RYR3: variants seen among roughly 807,000 people sequenced by gnomAD.
RYR3 encodes the protein ryanodine receptor 3.
RYR3 carries 207 observed loss-of-function variants against 584.3 expected under a neutral mutation model. The ratio of observed to expected loss-of-function variants is 0.35; its 90% CI spans 0.32 to 0.40. RYR3 has a LOEUF of 0.40. RYR3 is among the 10% of genes least tolerant of loss of function. The pLI, the probability that RYR3 is intolerant of heterozygous loss-of-function variation, is 1.00. For missense variants in RYR3, 5,616 were observed against 6,089.2 expected (o/e 0.92, Z 2.59); for synonymous variants, 2,416 against 2,248.5 (o/e 1.07, Z -2.11).
chr15:33,855,409 G>C (rs902800267), intron 98 of RYR3, among the ~76,000 whole-genome samples: 3 of 152,180 alleles, frequency 2.0e-5, no homozygotes, highest in Non-Finnish European at 2.9e-5. Context: ...TCACCATGTT[G>C]GCCAGGCTGG....
In RYR3 at chr15:33,634,727, G is replaced by A; in HGVS notation, c.3169G>A (p.Glu1057Lys). Reference sequence around the variant, plus strand: ...GTATAACATTGAGCCATCAGACCAAGAACTAGGTAATGAGTTGAGAGTGTT... The same window carrying A: ...GTATAACATTGAGCCATCAGACCAAAAACTAGGTAATGAGTTGAGAGTGTT... The part of the protein sequence containing the change: ...YGYNIEPSDQ[E>K]LADSAVEKVS... The change falls in exon 25 of 104, where the codon GAA becomes AAA. Residue 1057 changes from glutamate (E) to lysine (K), a missense_variant. Glu to Lys is a moderately conservative substitution (Grantham distance 56, BLOSUM62 1). Coordinates refer to ENST00000634891, the MANE Select transcript of RYR3 (RefSeq NM_001036.6). 1 of 1,613,908 alleles carries A rather than the reference G, an allele frequency of 6.2e-7. No homozygotes were observed. The highest frequency in any genetic ancestry group is 8.5e-7 in the Non-Finnish European group (1 of 1,179,810).
chr15:33,772,197 A>G (rs374733477), intron 63 of RYR3, 39 bp downstream of exon 63: 12 of 1,350,208 alleles, frequency 8.9e-6, no homozygotes, highest in African/African-American at 5.7e-5. Flanking sequence ...GTATGTGCAC[A>G]TGGCCCCAGA....
rs374218298 is a variant in RYR3, at chr15:33,644,456, T to C, written c.3702T>C (p.Ala1234=). 58 of 1,613,976 alleles carry C rather than the reference T, an allele frequency of 3.6e-5. No homozygotes were observed. In the African/African-American group the frequency reaches 6.0e-4, roughly 17 times the overall value. ...PFAVNMNRDV[A]MWFSKRLPTF... The stretch of plus-strand genomic sequence containing the variant: ...CTGTCAACATGAACAGAGATGTTGC[T>C]ATGTGGTTCAGCAAGCGCCTCCCGA... The change falls in exon 28 of 104, where the codon GCT becomes GCC. Residue 1234 remains alanine, a synonymous_variant. Transcript: ENST00000634891.
intron 4 of RYR3, among the ~76,000 whole-genome samples, chr15:33,532,924 C>T (rs1200662440): frequency 6.6e-6 from 1 of 152,118 alleles, no homozygotes; most frequent in Non-Finnish European, 1.5e-5. Context: ...CAAGACCAGC[C>T]TGGGAAACAT....
At chr15:33,711,489 C>T (rs113828105) in intron 43 of RYR3, among the ~76,000 whole-genome samples, 4,083 of 152,120 alleles carry the variant, frequency 0.027, 176 homozygotes, top group African/African-American at 0.093. Flanking sequence ...GTGATCCACC[C>T]GCCTCGGCCT....
In RYR3 at chr15:33,468,149, C is replaced by T. The variant is rs117059263; in HGVS notation, c.52-5270C>T. 5.9e-4 allele frequency among the ~76,000 whole-genome samples: 90 copies of T among 152,278 alleles called. 1 individual carries two copies. In the East Asian group the frequency reaches 0.016, roughly 26 times the overall value. ...GTGTGGCACTGGGCAAGTGACTTAACCTTTCTGTGCCTCAACCACTTTATC... is the reference window on the plus strand; with the variant it reads ...GTGTGGCACTGGGCAAGTGACTTAATCTTTCTGTGCCTCAACCACTTTATC... On this transcript the variant is annotated intron_variant, in intron 1 of 103. Coordinates refer to ENST00000634891, the MANE Select transcript of RYR3 (RefSeq NM_001036.6).
rs573022283 is a variant in RYR3 at position 33,635,838 on chromosome 15, C to A, written c.3381+19C>A. On this transcript the variant is annotated intron_variant, in intron 26 of 103. Coordinates refer to ENST00000634891, the MANE Select transcript of RYR3 (RefSeq NM_001036.6). The stretch of plus-strand genomic sequence containing the variant: ...CAACAGGGTGAGTTTATATATCTAG[C>A]AAACACCCATCCTCAGACCAAGTTT... 7 of 1,594,932 alleles carry A rather than the reference C, an allele frequency of 4.4e-6. No homozygotes were observed. Among genetic ancestry groups the A allele is most frequent in the Non-Finnish European group, 6.0e-6 (7 of 1,170,098 alleles).
At chr15:33,373,933 A>G (rs2141119567) in intron 1 of RYR3, among the ~76,000 whole-genome samples, 1 of 152,340 alleles carries the variant, frequency 6.6e-6, no homozygotes, top group African/African-American at 2.4e-5. Flanking sequence ...AGGAGCTATA[A>G]AGAGTAATTG....
intron 19 of RYR3, among the ~76,000 whole-genome samples, chr15:33,618,171 C>T (rs1168217972): frequency 6.6e-6 from 1 of 151,612 alleles, no homozygotes; most frequent in East Asian, 1.9e-4. Flanking sequence ...TTTTTTTTTG[C>T]AGAAAATTCA....
chr15:33,708,372 G>T (rs1344526921), intron 43 of RYR3, among the ~76,000 whole-genome samples: 1 of 152,094 alleles, frequency 6.6e-6, no homozygotes, highest in African/African-American at 2.4e-5. Flanking sequence ...AGAGCTTTTT[G>T]AGTCATTTTA....
chr15:33,548,730 T>C (rs888753852), intron 9 of RYR3, among the ~76,000 whole-genome samples: 3 of 152,224 alleles, frequency 2.0e-5, no homozygotes, highest in East Asian at 1.9e-4. Context: ...GCTGAGACTT[T>C]CCAGCCACAA....
chr15:33,816,288 A>G (rs748155077), intron 74 of RYR3, among the ~76,000 whole-genome samples: 16 of 152,256 alleles, frequency 1.1e-4, no homozygotes, highest in Non-Finnish European at 2.2e-4. Flanking sequence ...TACCAGGGAC[A>G]TAGCTAGAAT....
At chr15:33,316,913 C>A (rs539735655) in intron 1 of RYR3, among the ~76,000 whole-genome samples, 13 of 152,296 alleles carry the variant, frequency 8.5e-5, no homozygotes, top group African/African-American at 3.1e-4. Context: ...GTTGGGCTCA[C>A]CCCAGGATCT....
intron 27 of RYR3, among the ~76,000 whole-genome samples, chr15:33,642,357 A>G (rs2061877286): frequency 6.6e-6 from 1 of 152,180 alleles, no homozygotes; most frequent in Admixed American, 6.5e-5. Flanking sequence ...GGACTATTTC[A>G]TGATCTTCAT....
intron 1 of RYR3, among the ~76,000 whole-genome samples, chr15:33,427,134 A>G (rs572566002): frequency 6.6e-6 from 1 of 152,356 alleles, no homozygotes; most frequent in Admixed American, 6.5e-5. Flanking sequence ...TGATGGATAC[A>G]GGGATCCAGG....
chr15:33,680,509 G>A (rs1043598917), intron 38 of RYR3, among the ~76,000 whole-genome samples: 1 of 152,106 alleles, frequency 6.6e-6, no homozygotes, highest in East Asian at 1.9e-4. Context: ...CCTCATATCC[G>A]TGCACTACAG....
intron 43 of RYR3, 38 bp from the exon 44 acceptor site, chr15:33,722,677 C>G (rs752460311): frequency 1.3e-6 from 2 of 1,580,300 alleles, no homozygotes; most frequent in Non-Finnish European, 1.7e-6. Context: ...TGGGGTTGTC[C>G]TTTTCATTGA....
chr15:33,533,513 G>GA (rs1202737727), intron 5 of RYR3, 124 bp downstream of exon 5: 24 of 607,482 alleles, frequency 4.0e-5, no homozygotes, highest in African/African-American at 1.3e-4. Flanking sequence ...AAATAGGTCT[G>GA]AAAAAAAATT....
rs943559504 is a variant in RYR3, at chr15:33,593,403, T to C, written c.1788+7287T>C. Among the ~76,000 whole-genome samples, 13 of 152,136 alleles carry C rather than the reference T, an allele frequency of 8.5e-5. No individual in the cohort carries two copies. The East Asian group carries it at 2.3e-3, about 27-fold the overall frequency. ...AGCTAATTTTTAGGAGGTTGTGAAG[T>C]CCCATATCCTGTGAACAGAAAACAG... On this transcript the variant is annotated intron_variant, in intron 16 of 103. Transcript: ENST00000634891.
Sources: gnomAD v4.1 joint callset for allele counts (sites outside exome capture counted in the v4.1 genomes callset) on GRCh38, gnomAD v4.1.1 for gene constraint, MANE v1.5 for transcripts, NCBI Gene and HGNC (gene_info 2026-07-23, HGNC 2026-07-21) for gene names.